PTPRD: variants seen among roughly 807,000 people sequenced by gnomAD.
PTPRD encodes the protein receptor-type tyrosine-protein phosphatase delta.
In PTPRD, 34 loss-of-function variants were observed where a neutral mutation model predicts 214.5. The observed-to-expected ratio is 0.16, with a 90% confidence interval of 0.12 to 0.21. The LOEUF (loss-of-function observed/expected upper bound fraction) is 0.21. Ranked by LOEUF, PTPRD falls within the 10% of genes least tolerant of loss-of-function variation. PTPRD has a pLI of 1.00. For synonymous variants in PTPRD, 1,128 were observed against 845.7 expected (o/e 1.33, Z -5.79); for missense variants, 2,545 against 2,398.7 (o/e 1.06, Z -1.27).
chr9:9,574,671 C>T (rs981882545), intron 8 of PTPRD, 61 bp downstream of exon 8: 1 of 151,642 alleles, frequency 6.6e-6, no homozygotes, highest in Non-Finnish European at 1.5e-5. Context: ...AAAAACTGGA[C>T]ATGATCAAAA....
chr9:9,096,259 T>C (rs747286954), intron 10 of PTPRD, among the ~76,000 whole-genome samples: 5 of 152,222 alleles, frequency 3.3e-5, no homozygotes, highest in Non-Finnish European at 7.3e-5. Flanking sequence ...TGTGAGTTGC[T>C]GGATATGTTA....
chr9:9,969,368 A>G (rs1273227290), intron 4 of PTPRD, among the ~76,000 whole-genome samples: 2 of 151,842 alleles, frequency 1.3e-5, no homozygotes, highest in Non-Finnish European at 2.9e-5. Flanking sequence ...TCTTCTTCCT[A>G]CTCCCACCAA....
At chr9:9,062,988 G>A (rs1272434227) in intron 10 of PTPRD, among the ~76,000 whole-genome samples, 1 of 152,154 alleles carries the variant, frequency 6.6e-6, no homozygotes, top group Non-Finnish European at 1.5e-5. Flanking sequence ...TAATATCACA[G>A]TGGGTAGGGG....
At chr9:10,423,248 T>C (rs903676821) in intron 2 of PTPRD, among the ~76,000 whole-genome samples, 80 of 152,066 alleles carry the variant, frequency 5.3e-4, no homozygotes, top group African/African-American at 1.9e-3. Flanking sequence ...AGGTGGGAAT[T>C]GAACAATGAG....
At chr9:9,136,813 A>G (rs1194593029) in intron 10 of PTPRD, among the ~76,000 whole-genome samples, 1 of 152,132 alleles carries the variant, frequency 6.6e-6, no homozygotes, top group Non-Finnish European at 1.5e-5. Context: ...AAGAAAATGG[A>G]ACTATGGAAG....
chr9:10,108,411 A>T (rs1480341633), intron 3 of PTPRD, among the ~76,000 whole-genome samples: 1 of 151,972 alleles, frequency 6.6e-6, no homozygotes, highest in African/African-American at 2.4e-5. Context: ...AGATCTCTTG[A>T]ACTAATTCCT....
chr9:8,536,800 C>T (rs181416122), intron 14 of PTPRD, among the ~76,000 whole-genome samples: 28 of 152,040 alleles, frequency 1.8e-4, no homozygotes, highest in African/African-American at 6.5e-4. Context: ...GGTCCCTCTT[C>T]GGTTTATGGG....
intron 11 of PTPRD, among the ~76,000 whole-genome samples, chr9:8,900,465 T>C (rs2154250914): frequency 6.6e-6 from 1 of 152,188 alleles, no homozygotes; most frequent in East Asian, 1.9e-4. Flanking sequence ...GTATTGTAAA[T>C]GGAGTGAATG....
intron 5 of PTPRD, among the ~76,000 whole-genome samples, chr9:9,854,201 G>C (rs2061098396): frequency 6.6e-6 from 1 of 151,952 alleles, no homozygotes; most frequent in Non-Finnish European, 1.5e-5. Flanking sequence ...TTACTATTTT[G>C]TGCAATCTTT....
Position 9,122,489 on chromosome 9 carries a change from A to AT in PTPRD, c.-143+60814dup, listed in dbSNP as rs557353365. ...GAAAACCATCAGAAGGCATTGCTCT[A>AT]TTTTTTTCCTTTTTAGTCAGATCTC... On this transcript the variant is annotated intron_variant, in intron 10 of 45. Coordinates refer to ENST00000381196, the MANE Select transcript of PTPRD (RefSeq NM_002839.4). Among the ~76,000 whole-genome samples the AT allele has an allele frequency of 2.2e-3, 341 of 152,204 alleles. 2 individuals carry two copies. The highest frequency in any genetic ancestry group is 7.5e-3 in the African/African-American group (313 of 41,544).
At chr9:9,134,792 T>A (rs772483074) in intron 10 of PTPRD, among the ~76,000 whole-genome samples, 1 of 151,268 alleles carries the variant, frequency 6.6e-6, no homozygotes, top group Non-Finnish European at 1.5e-5. Flanking sequence ...CCTTGAAATC[T>A]GGTATTTGGA....
At chr9:8,576,818 G>A (rs1804231545) in intron 14 of PTPRD, among the ~76,000 whole-genome samples, 3 of 151,964 alleles carry the variant, frequency 2.0e-5, no homozygotes, top group African/African-American at 4.8e-5. Context: ...CCAAACCAAT[G>A]CCAACCCAGA....
chr9:8,607,459 A>G (rs1181299147), intron 14 of PTPRD, among the ~76,000 whole-genome samples: 16 of 152,150 alleles, frequency 1.1e-4, no homozygotes, highest in Non-Finnish European at 2.2e-4. Flanking sequence ...TCTGGTCAAC[A>G]TGGTGAAACC....
At chr9:10,551,955 G>A (rs1178818729) in intron 2 of PTPRD, among the ~76,000 whole-genome samples, 5 of 152,084 alleles carry the variant, frequency 3.3e-5, no homozygotes, top group African/African-American at 7.2e-5. Context: ...CCACTCAGTC[G>A]AATTTTCTAC....
intron 9 of PTPRD, among the ~76,000 whole-genome samples, chr9:9,241,446 A>T (rs2099970300): frequency 6.6e-6 from 1 of 152,136 alleles, no homozygotes; most frequent in Non-Finnish European, 1.5e-5. Flanking sequence ...CAAATGCTTG[A>T]CTGGAATGAC....
At chr9:9,889,997 T>A (rs2072667716) in intron 5 of PTPRD, among the ~76,000 whole-genome samples, 1 of 152,014 alleles carries the variant, frequency 6.6e-6, no homozygotes, top group South Asian at 2.1e-4. Context: ...TTCTCCTTCA[T>A]CCAGTAAGCC....
chr9:9,288,230 G>A (rs375417691), intron 9 of PTPRD, among the ~76,000 whole-genome samples: 147 of 151,470 alleles, frequency 9.7e-4, no homozygotes, highest in South Asian at 5.4e-3. Context: ...TTTTGTTGTC[G>A]GAGGTGATTT....
At chr9:9,663,622 G>C (rs773607773) in intron 7 of PTPRD, among the ~76,000 whole-genome samples, 1 of 151,534 alleles carries the variant, frequency 6.6e-6, no homozygotes, top group Non-Finnish European at 1.5e-5. Context: ...AAACTTGAGC[G>C]TCATCACTGA....
chr9:10,514,185 C>A (rs1420220584), intron 2 of PTPRD, among the ~76,000 whole-genome samples: 1 of 151,966 alleles, frequency 6.6e-6, no homozygotes, highest in African/African-American at 2.4e-5. Context: ...TCAATAAATA[C>A]AAATTTATAC....
Sources: allele counts gnomAD v4.1 joint callset (sites outside exome capture counted in the v4.1 genomes callset), GRCh38; gene constraint gnomAD v4.1.1; transcripts MANE v1.5; gene names NCBI Gene and HGNC (gene_info 2026-07-23, HGNC 2026-07-21).